The following PRUNE2 variants were observed in gnomAD, a reference collection of about 807,000 sequenced individuals.
PRUNE2 encodes protein prune homolog 2.
In PRUNE2, 164 loss-of-function variants were observed where a neutral mutation model predicts 252.0. That is an observed-to-expected ratio of 0.65 (90% CI 0.57 to 0.74). The LOEUF (loss-of-function observed/expected upper bound fraction) is 0.74. Among genes scored for constraint, PRUNE2 ranks in the 30% least tolerant of loss-of-function variants. The pLI is 0.00. For missense variants in PRUNE2, 3,495 were observed against 3,711.0 expected (o/e 0.94, Z 1.51); for synonymous variants, 1,292 against 1,350.2 (o/e 0.96, Z 0.94).
intron 9 of PRUNE2, among the ~76,000 whole-genome samples, chr9:76,661,433 G>C (rs1851388152): frequency 6.6e-6 from 1 of 151,956 alleles, no homozygotes; most frequent in Non-Finnish European, 1.5e-5. Flanking sequence ...AATAGAGATG[G>C]GGTTTCACCA....
Position 76,630,656 on chromosome 9 carries a change from C to A in PRUNE2, c.9051-1366G>T, listed in dbSNP as rs150460262. ...TCTCCTGCCTCAGCCTCCCGAGTAG[C>A]TGGGACTACAGGTGCCTGCCACCAT... On this transcript the variant is annotated intron_variant, in intron 15 of 18. Coordinates refer to ENST00000376718, the MANE Select transcript of PRUNE2 (RefSeq NM_015225.3). Among the ~76,000 whole-genome samples, 26 of 152,318 alleles carry A rather than the reference C, an allele frequency of 1.7e-4. No homozygotes were observed. The East Asian group carries it at 5.0e-3, about 29-fold the overall frequency.
intron 12 of PRUNE2, among the ~76,000 whole-genome samples, chr9:76,640,305 A>G (rs1043182286): frequency 6.6e-6 from 1 of 152,186 alleles, no homozygotes; most frequent in Non-Finnish European, 1.5e-5. Context: ...GTTTAATAAG[A>G]TGTTTTCTAC....
Position 76,612,617 on chromosome 9 carries a change from C to G in PRUNE2, c.*1953G>C, listed in dbSNP as rs1827785708. 6.6e-6 allele frequency: 1 copy of G among 152,120 alleles called. No homozygotes were observed. The allele number at this position is 152,120 out of a possible 1,614,324, so 9.4% of individuals were successfully genotyped here. A position where few individuals can be genotyped will look rare whatever the true frequency, so the allele number is the denominator to read the frequency against. ...TGGGCTGTAGGGTTTTTCTGTCCAACAAGCCAGATGTTATGAAGGAGGAGA... is the reference window on the plus strand; with the variant it reads ...TGGGCTGTAGGGTTTTTCTGTCCAAGAAGCCAGATGTTATGAAGGAGGAGA... On this transcript the variant is annotated 3_prime_UTR_variant, in exon 19 of 19. Transcript: ENST00000376718.
chr9:76,703,996 C>G lies in PRUNE2; in HGVS notation c.7617G>C (p.Lys2539Asn), dbSNP rs767943507. Residue 2539 changes from lysine (K) to asparagine (N), a missense_variant, in exon 9 of 19, where the codon AAG (lysine) becomes AAC (asparagine). Transcript: ENST00000376718. ...SEYKEERCTE[K>N]NEDRHALHMD... ...TGTGTAGTGCATGACGATCTTCATT[C>G]TTCTCTGTACATCTTTCTTCCTTGT... 4.3e-6 allele frequency: 7 copies of G among 1,613,732 alleles called. No individual in the cohort carries two copies. In the African/African-American group the frequency reaches 5.3e-5, roughly 12 times the overall value.
chr9:76,674,396 C>T lies in PRUNE2; in HGVS notation c.8277-18894G>A, dbSNP rs1430959958. Among the ~76,000 whole-genome samples the T allele has an allele frequency of 2.0e-5, 3 of 152,188 alleles. No individual in the cohort carries two copies. In the East Asian group the frequency reaches 5.8e-4, roughly 29 times the overall value. On this transcript the variant is annotated intron_variant, in intron 9 of 18. Coordinates refer to ENST00000376718, the MANE Select transcript of PRUNE2 (RefSeq NM_015225.3). ...GAGAACTACACTCACTTGAGCACTGCTCAAGGAAATAAAAGAGGATACAAA... is the reference window on the plus strand; with the variant it reads ...GAGAACTACACTCACTTGAGCACTGTTCAAGGAAATAAAAGAGGATACAAA...
intron 9 of PRUNE2, among the ~76,000 whole-genome samples, chr9:76,698,897 A>C (rs536879966): frequency 1.1e-4 from 17 of 152,356 alleles, no homozygotes; most frequent in Admixed American, 9.8e-4. Context: ...GGTCATCTTT[A>C]TTTCAGGGAA....
chr9:76,645,725 T>C (rs1240515948), intron 11 of PRUNE2, among the ~76,000 whole-genome samples: 2 of 152,238 alleles, frequency 1.3e-5, no homozygotes, highest in Non-Finnish European at 2.9e-5. Context: ...TAGAGCTTAA[T>C]GATGGTTATT....
intron 6 of PRUNE2, among the ~76,000 whole-genome samples, chr9:76,775,885 T>C (rs532388901): frequency 6.3e-4 from 95 of 151,856 alleles, no homozygotes; most frequent in African/African-American, 2.1e-3. Context: ...CCACCATTTC[T>C]ATAACTTCCA....
rs774968567 is a variant in PRUNE2, at chr9:76,706,466, T to G, written c.5808A>C (p.Ser1936=). The G allele has an allele frequency of 1.2e-6, 2 of 1,613,818 alleles. No individual in the cohort carries two copies. The highest frequency in any genetic ancestry group is 2.7e-5 in the African/African-American group (2 of 74,914). Residue 1936 remains serine, a synonymous_variant, in exon 8 of 19, where the codon TCA becomes TCC. Transcript: ENST00000376718. ...CAGCAGACACAAAGGTTTGCTCTCTTGAGTCCTTTTCTTTAATTTGGTCTA... is the reference window on the plus strand; with the variant it reads ...CAGCAGACACAAAGGTTTGCTCTCTGGAGTCCTTTTCTTTAATTTGGTCTA... The part of the protein sequence containing the change: ...VKLDQIKEKD[S]REQTFVSAAG...
In PRUNE2 at chr9:76,765,284, G is replaced by A. The variant is rs534232235; in HGVS notation, c.757-51563C>T. Reference sequence around the variant, plus strand: ...AGGTGGGGGGCATTTGGAAGAAAACGATGCCATAGAAGCCAAGATGAAATA... The same window carrying A: ...AGGTGGGGGGCATTTGGAAGAAAACAATGCCATAGAAGCCAAGATGAAATA... On this transcript the variant is annotated intron_variant, in intron 6 of 18. Transcript: ENST00000376718. Among the ~76,000 whole-genome samples the A allele has an allele frequency of 4.6e-5, 7 of 152,288 alleles. No individual in the cohort carries two copies. The East Asian group carries it at 9.7e-4, about 21-fold the overall frequency.
At chr9:76,823,513 G>GT (rs1189050571) in intron 6 of PRUNE2, 119 bp downstream of exon 6, 2 of 670,568 alleles carry the variant, frequency 3.0e-6, no homozygotes, top group Non-Finnish European at 5.4e-6. Context: ...CAAGTCAAAT[G>GT]TATCACAAAG....
intron 1 of PRUNE2, among the ~76,000 whole-genome samples, chr9:76,903,945 T>C (rs1254138902): frequency 6.6e-6 from 1 of 152,248 alleles, no homozygotes; most frequent in South Asian, 2.1e-4. Flanking sequence ...TTGACTTAAT[T>C]CTTTTTCTCC....
chr9:76,902,615 A>G (rs1672607332), intron 1 of PRUNE2, among the ~76,000 whole-genome samples: 1 of 152,138 alleles, frequency 6.6e-6, no homozygotes, highest in African/African-American at 2.4e-5. Context: ...TCCTCGTGTC[A>G]ATTCCATATG....
At chr9:76,632,497 G>A (rs1250684846) in intron 15 of PRUNE2, among the ~76,000 whole-genome samples, 1 of 152,162 alleles carries the variant, frequency 6.6e-6, no homozygotes, top group Non-Finnish European at 1.5e-5. Context: ...TTTCTAGGCT[G>A]TGTCACCCTA....
Position 76,906,070 on chromosome 9 carries a change from C to CCAGCCAGT in PRUNE2, c.-108_-107insACTGGCTG. 8.4e-7 allele frequency: 1 copy of CCAGCCAGT among 1,190,862 alleles called. No homozygotes were observed. The highest frequency in any genetic ancestry group is 1.2e-6 in the Non-Finnish European group (1 of 802,926). 73.8% of individuals were successfully genotyped at this position (1,190,862 alleles called of 1,614,324 possible). A position where few individuals can be genotyped will look rare whatever the true frequency, so the allele number is the denominator to read the frequency against. On this transcript the variant is annotated 5_prime_UTR_variant, in exon 1 of 19. Transcript: ENST00000376718. ...GGGAAAGTGGCCCGCCGGGGCGCAG[C>CCAGCCAGT]GACCGACTGCTCCCTCCTGCCGCTC...
At chr9:76,698,203 T>G (rs2045569588) in intron 9 of PRUNE2, among the ~76,000 whole-genome samples, 1 of 152,080 alleles carries the variant, frequency 6.6e-6, no homozygotes, top group Non-Finnish European at 1.5e-5. Flanking sequence ...TGTGCCACCA[T>G]GCCTGGCTAA....
intron 1 of PRUNE2, among the ~76,000 whole-genome samples, chr9:76,893,847 A>G (rs1420601313): frequency 6.6e-6 from 1 of 152,188 alleles, no homozygotes; most frequent in African/African-American, 2.4e-5. Context: ...AGCCAAGAGT[A>G]ATGACACTTC....
chr9:76,855,082 A>AAAAAAAAAAAAAAAAAATATATAT (rs1490285240), intron 1 of PRUNE2, among the ~76,000 whole-genome samples: 1 of 109,436 alleles, frequency 9.1e-6, no homozygotes, highest in African/African-American at 3.9e-5. Flanking sequence ...AAAAAAAAAA[A>AAAAAAAAAAAAAAAAAATATATAT]ATATATATAT....
In PRUNE2 at chr9:76,850,654, T is replaced by C. The variant is rs143781626; in HGVS notation, c.153A>G (p.Pro51=). The C allele has an allele frequency of 5.1e-5, 83 of 1,613,050 alleles. 1 individual carries two copies. Among genetic ancestry groups the C allele is most frequent in the African/African-American group, 1.1e-4 (8 of 74,890 alleles). The change falls in exon 3 of 19, where the codon CCA becomes CCG. Residue 51 remains proline, a synonymous_variant. Coordinates refer to ENST00000376718, the MANE Select transcript of PRUNE2 (RefSeq NM_015225.3). ...YAYFLDKVSP[P]GVLCLPVLNI... ...TCAGCACTGGTAAACACAGAACCCC[T>C]GGTGGACTGACCTACCAAGAAAAAA...
Sources: allele counts gnomAD v4.1 joint callset (sites outside exome capture counted in the v4.1 genomes callset), GRCh38; gene constraint gnomAD v4.1.1; transcripts MANE v1.5; gene names NCBI Gene and HGNC (gene_info 2026-07-23, HGNC 2026-07-21).